The following WWOX variants were observed in gnomAD, a reference collection of about 807,000 sequenced individuals.
WWOX encodes the protein WW domain-containing oxidoreductase.
A neutral mutation model predicts 46.2 loss-of-function variants in WWOX; 69 were observed. The ratio of observed to expected loss-of-function variants is 1.49; its 90% CI spans 1.23 to 1.82. The LOEUF is 1.82. WWOX is among the 40% of genes most tolerant of loss of function. The pLI is 0.00. For synonymous variants in WWOX, 359 were observed against 202.6 expected (o/e 1.77, Z -6.56); for missense variants, 919 against 542.6 (o/e 1.69, Z -6.89).
intron 8 of WWOX, among the ~76,000 whole-genome samples, chr16:79,187,105 C>T (rs982762503): frequency 1.3e-5 from 2 of 152,148 alleles, no homozygotes; most frequent in Non-Finnish European, 2.9e-5. Flanking sequence ...ATTAGAAAAT[C>T]ATAGACACTG....
intron 8 of WWOX, among the ~76,000 whole-genome samples, chr16:78,614,532 C>G (rs763516230): frequency 7.2e-5 from 11 of 152,214 alleles, no homozygotes; most frequent in Non-Finnish European, 1.6e-4. Flanking sequence ...ACTTCTGAAG[C>G]TGACCTTGGG....
At chr16:78,440,666 G>T (rs1360154274) in intron 8 of WWOX, among the ~76,000 whole-genome samples, 2 of 151,586 alleles carry the variant, frequency 1.3e-5, no homozygotes, top group South Asian at 2.1e-4. Context: ...GCCCGGATTG[G>T]AGTGTAGTGG....
rs1279815049 is a variant in WWOX, at chr16:78,344,893, G to T, written c.517-41967G>T. ...TTGGTGAACATGGGCTTCAGGGTCAGACTGCTTGTGTTCCATTCTTGATCC... is the reference window on the plus strand; with the variant it reads ...TTGGTGAACATGGGCTTCAGGGTCATACTGCTTGTGTTCCATTCTTGATCC... On this transcript the variant is annotated intron_variant, in intron 5 of 8. Transcript: ENST00000566780. Among the ~76,000 whole-genome samples the T allele has an allele frequency of 3.3e-5, 4 of 121,054 alleles. 1 individual carries two copies. Among genetic ancestry groups the T allele is most frequent in the Non-Finnish European group, 7.9e-5 (4 of 50,666 alleles). 79.4% of individuals were successfully genotyped at this position (121,054 alleles called of 152,430 possible).
chr16:78,697,523 A>T (rs924624277), intron 8 of WWOX, among the ~76,000 whole-genome samples: 1 of 152,186 alleles, frequency 6.6e-6, no homozygotes, highest in Non-Finnish European at 1.5e-5. Flanking sequence ...AAGGACTAAT[A>T]TCCAGGATCT....
chr16:78,882,016 C>T (rs2151216259), intron 8 of WWOX, among the ~76,000 whole-genome samples: 1 of 152,198 alleles, frequency 6.6e-6, no homozygotes, highest in Non-Finnish European at 1.5e-5. Context: ...ATCCCAGCTA[C>T]TCTGAAGGCT....
intron 8 of WWOX, among the ~76,000 whole-genome samples, chr16:78,666,557 G>A (rs143676688): frequency 1.3e-5 from 2 of 152,160 alleles, no homozygotes; most frequent in African/African-American, 4.8e-5. Context: ...CATTTGATTG[G>A]GGTACTGCCT....
intron 8 of WWOX, among the ~76,000 whole-genome samples, chr16:78,446,512 G>C (rs1460108836): frequency 6.6e-6 from 1 of 152,072 alleles, no homozygotes; most frequent in African/African-American, 2.4e-5. Context: ...ATGCCAGCAA[G>C]TGTTAGATTA....
intron 8 of WWOX, among the ~76,000 whole-genome samples, chr16:79,160,965 G>C (rs563963110): frequency 6.6e-6 from 1 of 152,056 alleles, no homozygotes; most frequent in African/African-American, 2.4e-5. Context: ...ATATAATGTA[G>C]CACGTTTCCT....
chr16:79,154,311 A>C (rs931944855), intron 8 of WWOX, among the ~76,000 whole-genome samples: 1 of 152,160 alleles, frequency 6.6e-6, no homozygotes, highest in African/African-American at 2.4e-5. Flanking sequence ...TTTTGTTTCC[A>C]GCTGAGTTTC....
At chr16:78,798,264 G>T (rs1459158564) in intron 8 of WWOX, among the ~76,000 whole-genome samples, 1 of 151,786 alleles carries the variant, frequency 6.6e-6, no homozygotes, top group African/African-American at 2.4e-5. Flanking sequence ...CCAGAATCTG[G>T]GTCAAAAAGA....
chr16:78,354,742 A>T lies in WWOX; in HGVS notation c.517-32118A>T, dbSNP rs984200975. 5.0e-4 allele frequency among the ~76,000 whole-genome samples: 76 copies of T among 151,868 alleles called. 1 individual carries two copies. Among genetic ancestry groups the T allele is most frequent in the African/African-American group, 1.8e-3 (74 of 41,304 alleles). ...TGTCATTATGTTCTCTCATTCTGTT[A>T]AATTTTGTTTTCTATTTTTCATGTT... On this transcript the variant is annotated intron_variant, in intron 5 of 8. Transcript: ENST00000566780.
intron 5 of WWOX, among the ~76,000 whole-genome samples, chr16:78,284,360 A>T (rs1364240261): frequency 6.6e-6 from 1 of 152,212 alleles, no homozygotes; most frequent in Non-Finnish European, 1.5e-5. Context: ...TCAACACCTT[A>T]AGTGCTGGCT....
At chr16:79,034,967 A>C (rs2047837308) in intron 8 of WWOX, among the ~76,000 whole-genome samples, 1 of 152,204 alleles carries the variant, frequency 6.6e-6, no homozygotes, top group African/African-American at 2.4e-5. Context: ...GGCAAGTATA[A>C]ATCAGAAGCA....
intron 8 of WWOX, among the ~76,000 whole-genome samples, chr16:79,201,286 G>A (rs1007628292): frequency 6.6e-6 from 1 of 151,860 alleles, no homozygotes; most frequent in Non-Finnish European, 1.5e-5. Flanking sequence ...ACTTGATAGA[G>A]GTTAGAAAGG....
intron 1 of WWOX, among the ~76,000 whole-genome samples, chr16:78,104,733 A>C (rs1468449758): frequency 6.6e-6 from 1 of 152,184 alleles, no homozygotes. Context: ...AAAGTCATTT[A>C]AGGTTATAAT....
In WWOX at chr16:78,840,144, T is replaced by G. The variant is rs112117126; in HGVS notation, c.1057-371464T>G. Among the ~76,000 whole-genome samples, 245 of 152,306 alleles carry G rather than the reference T, an allele frequency of 1.6e-3. 1 individual carries two copies. The highest frequency in any genetic ancestry group is 6.2e-3 in the Admixed American group (95 of 15,302). The stretch of plus-strand genomic sequence containing the variant: ...ATCATTATGGCATGGGAGAAACTGT[T>G]TGTGGACATTGCCTCCCAGTTGACC... On this transcript the variant is annotated intron_variant, in intron 8 of 8. Coordinates refer to ENST00000566780, the MANE Select transcript of WWOX (RefSeq NM_016373.4).
intron 8 of WWOX, among the ~76,000 whole-genome samples, chr16:79,005,177 C>T (rs765307555): frequency 6.6e-6 from 1 of 152,102 alleles, no homozygotes; most frequent in African/African-American, 2.4e-5. Context: ...GCTTTGAATG[C>T]AGGCCTGATG....
chr16:78,132,310 G>A (rs1418939410), intron 4 of WWOX, among the ~76,000 whole-genome samples: 1 of 152,156 alleles, frequency 6.6e-6, no homozygotes, highest in East Asian at 1.9e-4. Flanking sequence ...ACAGGCGTGA[G>A]CCACCACGCC....
chr16:78,592,206 TTTTTG>T, intron 8 of WWOX, among the ~76,000 whole-genome samples: 1 of 152,272 alleles, frequency 6.6e-6, no homozygotes, highest in East Asian at 1.9e-4. Flanking sequence ...AGCGGATGTG[TTTTTG>T]TTTTATTTTT....
Sources: allele counts gnomAD v4.1 joint callset (sites outside exome capture counted in the v4.1 genomes callset), GRCh38; gene constraint gnomAD v4.1.1; transcripts MANE v1.5; gene names NCBI Gene and HGNC (gene_info 2026-07-23, HGNC 2026-07-21).